Variants in JAG2 observed in about 807,000 individuals in gnomAD.
The protein encoded by JAG2 is protein jagged-2.
Under a neutral mutation model 141.7 loss-of-function variants are expected in JAG2, and 46 were observed. The observed-to-expected ratio is 0.32, with a 90% CI of 0.26 to 0.42. The LOEUF (loss-of-function observed/expected upper bound fraction) is 0.42. Among genes scored for constraint, JAG2 ranks in the 10% least tolerant of loss-of-function variants. The pLI, the probability that JAG2 is intolerant of heterozygous loss-of-function variation, is 1.00. For synonymous variants in JAG2, 862 were observed against 763.5 expected, an observed-to-expected ratio of 1.13 and a Z score of -2.13; for missense variants, 1,500 against 1,817.5, an observed-to-expected ratio of 0.83 and a Z score of 3.18.
rs754173852 is a variant in JAG2, at chr14:105,143,515, C to T, written c.3208G>A (p.Val1070Met). The change falls in exon 25 of 26, where the codon GTG becomes ATG. Residue 1070 changes from valine (V) to methionine (M), a missense_variant. Val to Met is a conservative substitution (Grantham distance 21). This residue lies in a region of JAG2 where 425 missense variants were observed against 441.0 expected (regional missense o/e 0.96). Transcript: ENST00000331782. ...SLLLAVTEVK[V>M]ETVVTGGSST... is the part of the protein sequence containing the mutation. ...GAGCCGCCCGTAACAACCGTCTCCA[C>T]CTTGACCTCGGTGACAGCCAGGAGC... The T allele has an allele frequency of 6.6e-5, 104 of 1,576,608 alleles. No individual in the cohort carries two copies. The highest frequency in any genetic ancestry group is 8.4e-5 in the Non-Finnish European group (98 of 1,163,706).
intron 18 of JAG2, 80 bp from the exon 19 acceptor site, chr14:105,147,607 G>C (rs896105599): frequency 2.1e-6 from 3 of 1,457,424 alleles, no homozygotes; most frequent in African/African-American, 1.4e-5. Context: ...GGCTTGGCGT[G>C]ATCAGGCTGT....
At position 105,151,754 on chromosome 14, in the gene JAG2, G is replaced by A; in HGVS notation, c.1040-15C>T. ...GGCGTGCTCAGCTGTAGAACCGCGGGGAGGGGGCAGAGCTGGCAGCCAGGC... is the reference window on the plus strand; with the variant it reads ...GGCGTGCTCAGCTGTAGAACCGCGGAGAGGGGGCAGAGCTGGCAGCCAGGC... On this transcript the variant is annotated splice_polypyrimidine_tract_variant and intron_variant, in intron 7 of 25. Transcript: ENST00000331782. 6.2e-7 allele frequency: 1 copy of A among 1,605,084 alleles called. No individual in the cohort carries two copies. Among genetic ancestry groups the A allele is most frequent in the Non-Finnish European group, 8.5e-7 (1 of 1,175,668 alleles).
At chr14:105,153,893 AG>A (rs1293579098) in intron 5 of JAG2, among the ~76,000 whole-genome samples, 2 of 151,806 alleles carry the variant, frequency 1.3e-5, no homozygotes, top group African/African-American at 4.8e-5. Context: ...GGGCCAGGCG[AG>A]GGTGAGTGGG....
chr14:105,151,959 A>C lies in JAG2; in HGVS notation c.1018T>G (p.Ser340Ala), dbSNP rs1888447815. ...GTACCCTTCTCACAGTTCCTGCCCG[A>C]GTAGCCGTCAGGGCAGGTGCAGCGG... is the stretch of plus-strand genomic sequence containing the variant. The part of the protein sequence containing the change: ...QYRCTCPDGY[S>A]GRNCEKAEHA... Residue 340 changes from serine to alanine, a missense_variant, in exon 7 of 26, where the codon TCG becomes GCG. Coordinates refer to ENST00000331782, the MANE Select transcript of JAG2 (RefSeq NM_002226.5). 2.5e-6 allele frequency: 4 copies of C among 1,613,188 alleles called. No homozygotes were observed. The highest frequency in any genetic ancestry group is 3.4e-6 in the Non-Finnish European group (4 of 1,179,994).
chr14:105,168,370 C>T lies in JAG2; in HGVS notation c.51G>A (p.Leu17=). The T allele has an allele frequency of 1.1e-6, 1 of 883,876 alleles. No homozygotes were observed. Among genetic ancestry groups the T allele is most frequent in the Non-Finnish European group, 1.4e-6 (1 of 711,744 alleles). 54.8% of individuals were successfully genotyped at this position (883,876 alleles called of 1,614,324 possible). Reference sequence around the variant, plus strand: ...CCCCGCTCACCTGCACCCAGAGCGCCAGCAGCAGCAGCAGCCGCCGGGGAA... The same window carrying T: ...CCCCGCTCACCTGCACCCAGAGCGCTAGCAGCAGCAGCAGCCGCCGGGGAA... The part of the protein sequence containing the change: ...GRLPRRLLLL[L]ALWVQAARPM... The change falls in exon 1 of 26, where the codon CTG becomes CTA. Residue 17 remains leucine (L), a synonymous_variant. Coordinates refer to ENST00000331782, the MANE Select transcript of JAG2 (RefSeq NM_002226.5).
chr14:105,148,025 C>G, intron 17 of JAG2, 91 bp downstream of exon 17: 3 of 1,227,850 alleles, frequency 2.4e-6, no homozygotes, highest in Non-Finnish European at 3.5e-6. Flanking sequence ...GTGTGGCCCT[C>G]AAAAAAGACC....
intron 18 of JAG2, 117 bp from the exon 19 acceptor site, chr14:105,147,644 G>A (rs1032471333): frequency 3.8e-5 from 46 of 1,196,082 alleles, no homozygotes; most frequent in Non-Finnish European, 5.6e-5. Flanking sequence ...ATCAAGGAGG[G>A]TGCCTTTTGC....
Position 105,142,524 on chromosome 14 carries a change from A to T in JAG2, c.*171T>A. On this transcript the variant is annotated 3_prime_UTR_variant, in exon 26 of 26. Transcript: ENST00000331782. Reference sequence around the variant, plus strand: ...ATTGTTTTCAGCCTGACAGTTACTGAATAATTTATACAAGGTTAAAGAAAC... The same window carrying T: ...ATTGTTTTCAGCCTGACAGTTACTGTATAATTTATACAAGGTTAAAGAAAC... The T allele has an allele frequency of 3.3e-6, 2 of 603,482 alleles. No individual in the cohort carries two copies. The highest frequency in any genetic ancestry group is 3.1e-5 in the Admixed American group (1 of 32,424). The allele number at this position is 603,482 out of a possible 1,614,324, so 37.4% of individuals were successfully genotyped here.
chr14:105,151,508 G>T, intron 8 of JAG2, 112 bp from the exon 9 acceptor site: 2 of 1,336,754 alleles, frequency 1.5e-6, no homozygotes, highest in Non-Finnish European at 2.1e-6. Flanking sequence ...TCCTCGCCAA[G>T]CCAGCCGCAG....
At chr14:105,148,049 C>T (rs1446822863) in intron 17 of JAG2, 67 bp downstream of exon 17, 6 of 1,342,082 alleles carry the variant, frequency 4.5e-6, no homozygotes, top group South Asian at 2.5e-5. Flanking sequence ...CGGCCCATCG[C>T]GCCCGAGGGA....
rs937909029 is a variant in JAG2 at position 105,151,317 on chromosome 14, G to A, written c.1233C>T (p.Cys411=). 4.3e-5 allele frequency: 70 copies of A among 1,612,586 alleles called. No homozygotes were observed. The highest frequency in any genetic ancestry group is 5.2e-5 in the Non-Finnish European group (61 of 1,179,982). The change falls in exon 9 of 26, where the codon TGC becomes TGT. Residue 411 remains cysteine (C), a synonymous_variant. Coordinates refer to ENST00000331782, the MANE Select transcript of JAG2 (RefSeq NM_002226.5). ...AGGTGGCCCCCACCCACTGCTCGGG[G>A]CAGATGCACTCAAAGCCGTCCACCT... is the stretch of plus-strand genomic sequence containing the variant. ...VDQVDGFECI[C]PEQWVGATCQ...
chr14:105,156,724 G>A (rs995636877), intron 3 of JAG2, among the ~76,000 whole-genome samples: 1 of 152,126 alleles, frequency 6.6e-6, no homozygotes, highest in Non-Finnish European at 1.5e-5. Flanking sequence ...GCCAAGGCCT[G>A]GGAGGACACT....
chr14:105,144,170 C>T (rs1888153002), intron 24 of JAG2, among the ~76,000 whole-genome samples: 1 of 151,954 alleles, frequency 6.6e-6, no homozygotes, highest in African/African-American at 2.4e-5. Context: ...CAGCCCCCAC[C>T]CCCACCTATG....
chr14:105,166,091 C>A (rs1888900656), intron 2 of JAG2, among the ~76,000 whole-genome samples: 1 of 152,244 alleles, frequency 6.6e-6, no homozygotes, highest in African/African-American at 2.4e-5. Flanking sequence ...CCGCCTGCCC[C>A]CTCCTGGGGC....
intron 2 of JAG2, among the ~76,000 whole-genome samples, chr14:105,164,814 G>A (rs587728342): frequency 2.0e-5 from 3 of 152,308 alleles, no homozygotes; most frequent in Admixed American, 1.3e-4. Context: ...CTGACTTCGT[G>A]AGACCTGCAA....
chr14:105,155,582 G>A lies in JAG2; in HGVS notation c.768C>T (p.Cys256=), dbSNP rs1237750952. The change falls in exon 5 of 26, where the codon TGC becomes TGT. Residue 256 remains cysteine, a synonymous_variant. Coordinates refer to ENST00000331782, the MANE Select transcript of JAG2 (RefSeq NM_002226.5). ...KQGCNLLHGG[C]TVPGECRCSY... ...CTCACCTGCACTCCCCAGGCACGGT[G>A]CATCCCCCGTGGAGCAAATTACACC... 1.9e-6 allele frequency: 3 copies of A among 1,612,734 alleles called. No individual in the cohort carries two copies. In the African/African-American group the frequency reaches 4.0e-5, roughly 22 times the overall value.
intron 2 of JAG2, among the ~76,000 whole-genome samples, chr14:105,158,965 C>T (rs754662033): frequency 3.3e-5 from 5 of 152,064 alleles, no homozygotes; most frequent in African/African-American, 4.8e-5. Context: ...TTCCCTGGTC[C>T]TCACCCGCCG....
In JAG2 at chr14:105,167,639, T is replaced by G. The variant is rs1888959954; in HGVS notation, c.417+118A>C. 3.5e-6 allele frequency: 4 copies of G among 1,151,204 alleles called. No homozygotes were observed. The South Asian group carries it at 1.6e-4, about 45-fold the overall frequency. The allele number at this position is 1,151,204 out of a possible 1,614,324, so 71.3% of individuals were successfully genotyped here. On this transcript the variant is annotated intron_variant, in intron 2 of 25. Transcript: ENST00000331782. This position sits in a 1 kb window ranked among gnomAD's most constrained non-coding sequence, Gnocchi z 4.8. The stretch of plus-strand genomic sequence containing the variant: ...CGCCCCCTGCCGGCCCCGCCCCGCC[T>G]GGGCGCGCGCGGCTCGCACGCAGAC...
At chr14:105,151,506 A>C (rs1206953851) in intron 8 of JAG2, 110 bp from the exon 9 acceptor site, 4 of 1,360,148 alleles carry the variant, frequency 2.9e-6, no homozygotes, top group Non-Finnish European at 2.1e-6. Context: ...TGTCCTCGCC[A>C]AGCCAGCCGC....
Sources: gnomAD v4.1 joint callset for allele counts (sites outside exome capture counted in the v4.1 genomes callset) on GRCh38, gnomAD v4.1.1 for gene constraint, gnomAD v4.1.1 regional missense constraint, Gnocchi (gnomAD v3.1) non-coding constraint, MANE v1.5 for transcripts, NCBI Gene and HGNC (gene_info 2026-07-23, HGNC 2026-07-21) for gene names.